THSD7A: variants seen among roughly 807,000 people sequenced by gnomAD.
THSD7A encodes the protein thrombospondin type-1 domain-containing protein 7A.
A neutral mutation model predicts 231.3 loss-of-function variants in THSD7A; 96 were observed. The observed-to-expected ratio is 0.41, with a 90% confidence interval of 0.35 to 0.49. The LOEUF (loss-of-function observed/expected upper bound fraction) is 0.49, where lower values mean the gene tolerates loss of function less well. THSD7A is among the 20% of genes least tolerant of loss of function. The pLI is 0.05. For synonymous variants in THSD7A, 940 were observed against 743.3 expected, an observed-to-expected ratio of 1.26 and a Z score of -4.30; for missense variants, 2,290 against 2,070.2, an observed-to-expected ratio of 1.11 and a Z score of -2.06.
At chr7:11,687,835 C>G (rs573499859) in intron 1 of THSD7A, among the ~76,000 whole-genome samples, 1 of 151,690 alleles carries the variant, frequency 6.6e-6, no homozygotes, top group African/African-American at 2.4e-5. Context: ...CTTCTCAACT[C>G]TGCTGTCAGT....
chr7:11,485,571 G>A (rs573677905), intron 6 of THSD7A, among the ~76,000 whole-genome samples: 1 of 151,310 alleles, frequency 6.6e-6, no homozygotes, highest in South Asian at 2.1e-4. Flanking sequence ...AAAAGAAATT[G>A]AGACTCAAAA....
intron 1 of THSD7A, among the ~76,000 whole-genome samples, chr7:11,813,443 G>A (rs1380672087): frequency 6.6e-6 from 1 of 152,070 alleles, no homozygotes; most frequent in Non-Finnish European, 1.5e-5. Context: ...ACTGGGAGTG[G>A]TGACTCACAC....
chr7:11,769,144 TATATATATA>T lies in THSD7A; in HGVS notation c.190+62604_190+62612del, dbSNP rs1404564596. Among the ~76,000 whole-genome samples the T allele has an allele frequency of 2.4e-4, 16 of 67,364 alleles. 2 individuals are homozygous for T. The highest frequency in any genetic ancestry group is 7.4e-4 in the East Asian group (2 of 2,696). 44.2% of individuals were successfully genotyped at this position (67,364 alleles called of 152,430 possible). On this transcript the variant is annotated intron_variant, in intron 1 of 27. Transcript: ENST00000423059. ...GGCAATATATATATATATATATATA[TATATATATA>T]TTTTTTTTTTTTTTTGGTATTTTTG... is the stretch of plus-strand genomic sequence containing the variant.
At chr7:11,603,357 T>C (rs1357016982) in intron 2 of THSD7A, among the ~76,000 whole-genome samples, 1 of 151,790 alleles carries the variant, frequency 6.6e-6, no homozygotes, top group Non-Finnish European at 1.5e-5. Flanking sequence ...AGAATGGCAA[T>C]CATTAAAAAG....
intron 1 of THSD7A, among the ~76,000 whole-genome samples, chr7:11,641,664 G>T (rs921811270): frequency 6.6e-6 from 1 of 151,102 alleles, no homozygotes; most frequent in East Asian, 1.9e-4. Flanking sequence ...TATATAAAAA[G>T]ATCTACTGAG....
At chr7:11,595,199 C>A (rs893889104) in intron 2 of THSD7A, among the ~76,000 whole-genome samples, 2 of 152,276 alleles carry the variant, frequency 1.3e-5, no homozygotes, top group South Asian at 2.1e-4. Flanking sequence ...TGCTTCTAGA[C>A]CTACAACTAG....
chr7:11,651,498 T>A (rs1224418408), intron 1 of THSD7A, among the ~76,000 whole-genome samples: 4 of 87,384 alleles, frequency 4.6e-5, no homozygotes, highest in Non-Finnish European at 1.2e-4. Flanking sequence ...TATCTATCTA[T>A]CTATCTATCT....
At chr7:11,733,576 G>A (rs1781808852) in intron 1 of THSD7A, among the ~76,000 whole-genome samples, 1 of 151,844 alleles carries the variant, frequency 6.6e-6, no homozygotes, top group African/African-American at 2.4e-5. Flanking sequence ...CTGTGACTGT[G>A]TAGAAAAATG....
intron 1 of THSD7A, among the ~76,000 whole-genome samples, chr7:11,776,732 A>T (rs1226621192): frequency 6.6e-6 from 1 of 152,230 alleles, no homozygotes; most frequent in African/African-American, 2.4e-5. Flanking sequence ...ACATGGAAGT[A>T]TTCTGGGAGC....
At chr7:11,531,280 C>T (rs1788697539) in intron 6 of THSD7A, among the ~76,000 whole-genome samples, 1 of 152,134 alleles carries the variant, frequency 6.6e-6, no homozygotes, top group Non-Finnish European at 1.5e-5. Flanking sequence ...AGTCTCCTCA[C>T]TGCTGCTTCT....
At chr7:11,390,485 T>G (rs1347083712) in intron 23 of THSD7A, among the ~76,000 whole-genome samples, 2 of 152,368 alleles carry the variant, frequency 1.3e-5, no homozygotes, top group African/African-American at 4.8e-5. Context: ...AAACTGGTTA[T>G]TCATGTTAGC....
At chr7:11,431,162 C>G (rs974190613) in intron 13 of THSD7A, among the ~76,000 whole-genome samples, 5 of 152,162 alleles carry the variant, frequency 3.3e-5, no homozygotes, top group African/African-American at 9.7e-5. Flanking sequence ...GTTATTGTCT[C>G]TAAAATTTTG....
chr7:11,630,191 C>T (rs1336260766), intron 2 of THSD7A, among the ~76,000 whole-genome samples: 1 of 152,090 alleles, frequency 6.6e-6, no homozygotes, highest in Non-Finnish European at 1.5e-5. Context: ...TAATTAACAA[C>T]TAGTATTCTA....
intron 1 of THSD7A, among the ~76,000 whole-genome samples, chr7:11,711,670 T>C (rs1780970347): frequency 6.6e-6 from 1 of 151,098 alleles, no homozygotes; most frequent in South Asian, 2.1e-4. Flanking sequence ...GGGGAAAAAT[T>C]TCAACTGGTT....
At chr7:11,510,324 C>T (rs1787751243) in intron 6 of THSD7A, among the ~76,000 whole-genome samples, 1 of 152,168 alleles carries the variant, frequency 6.6e-6, no homozygotes. Flanking sequence ...GACGGATTCA[C>T]AGCCGAATTC....
In THSD7A at chr7:11,780,997, C is replaced by CAAAAAAAAAAAAA. The variant is rs58931693; in HGVS notation, c.190+50747_190+50759dup. ...TGGGCGACAGAGCGAGACTCCGTCT[C>CAAAAAAAAAAAAA]AAAAAAAAAAAAAAAAAAAAAAAAA... On this transcript the variant is annotated intron_variant, in intron 1 of 27. Coordinates refer to ENST00000423059, the MANE Select transcript of THSD7A (RefSeq NM_015204.3). 1.5e-3 allele frequency among the ~76,000 whole-genome samples: 51 copies of CAAAAAAAAAAAAA among 34,450 alleles called. 4 individuals are homozygous for CAAAAAAAAAAAAA. Among genetic ancestry groups the CAAAAAAAAAAAAA allele is most frequent in the Non-Finnish European group, 1.8e-3 (34 of 18,860 alleles). 22.6% of individuals were successfully genotyped at this position (34,450 alleles called of 152,430 possible).
At chr7:11,552,911 T>A (rs2128326774) in intron 4 of THSD7A, among the ~76,000 whole-genome samples, 1 of 152,162 alleles carries the variant, frequency 6.6e-6, no homozygotes, top group East Asian at 1.9e-4. Flanking sequence ...TCCTCAAACC[T>A]GACTATAAAA....
chr7:11,791,817 AT>A (rs1783959865), intron 1 of THSD7A, among the ~76,000 whole-genome samples: 1 of 151,804 alleles, frequency 6.6e-6, no homozygotes, highest in South Asian at 2.1e-4. Flanking sequence ...GCGTTGCTCC[AT>A]TTCCTTTCTT....
intron 1 of THSD7A, among the ~76,000 whole-genome samples, chr7:11,770,364 T>A (rs1408474076): frequency 6.6e-6 from 1 of 152,164 alleles, no homozygotes; most frequent in Non-Finnish European, 1.5e-5. Context: ...TCTGGTTTAA[T>A]CCTAGGTTTG....
Sources: allele counts gnomAD v4.1 joint callset (sites outside exome capture counted in the v4.1 genomes callset), GRCh38; gene constraint gnomAD v4.1.1; transcripts MANE v1.5; gene names NCBI Gene and HGNC (gene_info 2026-07-23, HGNC 2026-07-21).